Variants in MECOM observed in about 807,000 individuals in gnomAD.
The protein encoded by MECOM is histone-lysine N-methyltransferase MECOM.
In MECOM, 13 loss-of-function variants were observed where a neutral mutation model predicts 116.3. The observed-to-expected ratio is 0.11, with a 90% CI of 0.07 to 0.18. The LOEUF (loss-of-function observed/expected upper bound fraction) is 0.18. Among genes scored for constraint, MECOM ranks in the 10% least tolerant of loss-of-function variants. The pLI is 1.00. For missense variants in MECOM, 1,299 were observed against 1,509.0 expected, an observed-to-expected ratio of 0.86 and a Z score of 2.31; for synonymous variants, 528 against 535.2, an observed-to-expected ratio of 0.99 and a Z score of 0.19.
At chr3:169,442,061 G>A (rs950075304) in intron 1 of MECOM, among the ~76,000 whole-genome samples, 2 of 152,106 alleles carry the variant, frequency 1.3e-5, no homozygotes, top group African/African-American at 4.8e-5. Flanking sequence ...GAGTAGCTGG[G>A]ATTACAGGCA....
intron 2 of MECOM, among the ~76,000 whole-genome samples, chr3:169,333,242 G>A (rs566426158): frequency 3.3e-5 from 5 of 152,236 alleles, no homozygotes; most frequent in Admixed American, 3.3e-4. Flanking sequence ...ATGGGGAGGG[G>A]TGTGGAGGGA....
At chr3:169,330,438 T>C (rs975993276) in intron 2 of MECOM, among the ~76,000 whole-genome samples, 1 of 152,156 alleles carries the variant, frequency 6.6e-6, no homozygotes, top group East Asian at 1.9e-4. Context: ...TTTGAAAACA[T>C]AATGACATCT....
At chr3:169,271,674 G>T (rs1758957977) in intron 2 of MECOM, among the ~76,000 whole-genome samples, 1 of 151,974 alleles carries the variant, frequency 6.6e-6, no homozygotes, top group African/African-American at 2.4e-5. Context: ...GAGTTGATGG[G>T]TGCAGGAAAC....
At chr3:169,224,687 G>A (rs1321333723) in intron 2 of MECOM, among the ~76,000 whole-genome samples, 1 of 152,224 alleles carries the variant, frequency 6.6e-6, no homozygotes, top group African/African-American at 2.4e-5. Flanking sequence ...TGTTTGTAGT[G>A]TGACTTAATT....
intron 2 of MECOM, among the ~76,000 whole-genome samples, chr3:169,339,969 C>T (rs1197209191): frequency 2.0e-5 from 3 of 152,104 alleles, no homozygotes; most frequent in African/African-American, 7.2e-5. Flanking sequence ...AGAGGAAGAA[C>T]AAGTGGGCCA....
intron 2 of MECOM, among the ~76,000 whole-genome samples, chr3:169,274,323 T>C (rs900913198): frequency 1.3e-5 from 2 of 152,202 alleles, no homozygotes; most frequent in African/African-American, 4.8e-5. Flanking sequence ...TACGTGATAA[T>C]GTAAACTTGA....
intron 2 of MECOM, among the ~76,000 whole-genome samples, chr3:169,291,625 A>G (rs1714565069): frequency 1.3e-5 from 2 of 152,184 alleles, no homozygotes; most frequent in African/African-American, 4.8e-5. Flanking sequence ...AAACTAAAAG[A>G]CAAGTTAATT....
At chr3:169,482,262 G>A (rs995167164) in intron 1 of MECOM, among the ~76,000 whole-genome samples, 16 of 151,350 alleles carry the variant, frequency 1.1e-4, no homozygotes, top group African/African-American at 3.2e-4. Context: ...GCGTGTACTC[G>A]CCTGTGTCAT....
intron 9 of MECOM, among the ~76,000 whole-genome samples, chr3:169,111,924 A>AT (rs1235697927): frequency 6.6e-6 from 1 of 152,054 alleles, no homozygotes; most frequent in African/African-American, 2.4e-5. Context: ...GAGAACCATC[A>AT]TTTTTTGTTT....
chr3:169,454,516 T>A (rs370286399), intron 1 of MECOM, among the ~76,000 whole-genome samples: 5 of 152,264 alleles, frequency 3.3e-5, no homozygotes, highest in Admixed American at 6.5e-5. Flanking sequence ...GTTTGCTTTG[T>A]GTCTTTTATT....
intron 1 of MECOM, among the ~76,000 whole-genome samples, chr3:169,381,982 C>T (rs988897314): frequency 2.7e-4 from 41 of 152,218 alleles, no homozygotes; most frequent in Non-Finnish European, 4.3e-4. Flanking sequence ...ATTCCAAAGG[C>T]TGCCATGTGC....
chr3:169,483,664 A>G (rs1160422019), intron 1 of MECOM: 5 of 1,525,500 alleles, frequency 3.3e-6, no homozygotes, highest in Non-Finnish European at 4.4e-6. Flanking sequence ...TTCCAGATAA[A>G]TGAAATTTAA....
intron 1 of MECOM, among the ~76,000 whole-genome samples, chr3:169,497,688 A>G (rs929953728): frequency 1.3e-5 from 2 of 152,094 alleles, no homozygotes; most frequent in African/African-American, 4.8e-5. Context: ...CATCCTGCAT[A>G]CCTTTGCCAA....
chr3:169,533,591 T>TTTTTTTAC (rs55667588), intron 1 of MECOM, among the ~76,000 whole-genome samples: 5,525 of 132,118 alleles, frequency 0.042, 417 homozygotes, highest in African/African-American at 0.15. Context: ...TTTTTTTTTT[T>TTTTTTTAC]ATTTCCTTAT....
intron 1 of MECOM, among the ~76,000 whole-genome samples, chr3:169,534,537 C>T (rs752668213): frequency 6.6e-6 from 1 of 151,072 alleles, no homozygotes; most frequent in Non-Finnish European, 1.5e-5. Flanking sequence ...TCCCCCCATT[C>T]TTCCTTTTAT....
In MECOM at chr3:169,127,917, C is replaced by T. The variant is rs371291867; in HGVS notation, c.757G>A (p.Glu253Lys). The change falls in exon 5 of 17, where the codon GAG (glutamate) becomes AAG (lysine). Residue 253 changes from glutamate to lysine, a missense_variant. Coordinates refer to ENST00000651503, the MANE Select transcript of MECOM (RefSeq NM_004991.4). The stretch of plus-strand genomic sequence containing the variant: ...GTGTGTATCTCTTGGAGATCATTCT[C>T]GCTTTCGAGTTTTTGCTGAAAGTCC... ...EEDFQQKLES[E>K]NDLQEIHTIQ... 55 of 1,613,956 alleles carry T rather than the reference C, an allele frequency of 3.4e-5. No individual in the cohort carries two copies. The Middle Eastern group carries it at 4.9e-4, about 14-fold the overall frequency.
chr3:169,419,813 G>A (rs1396854065), intron 1 of MECOM, among the ~76,000 whole-genome samples: 2 of 152,132 alleles, frequency 1.3e-5, no homozygotes, highest in Non-Finnish European at 2.9e-5. Context: ...TCATCAGAGT[G>A]AACAAGCAAC....
intron 2 of MECOM, among the ~76,000 whole-genome samples, chr3:169,314,307 T>C (rs1366572069): frequency 6.6e-6 from 1 of 152,202 alleles, no homozygotes; most frequent in African/African-American, 2.4e-5. Context: ...TTAGCACTTC[T>C]TTATAGATGA....
At chr3:169,320,059 A>G (rs1720583794) in intron 2 of MECOM, among the ~76,000 whole-genome samples, 1 of 152,224 alleles carries the variant, frequency 6.6e-6, no homozygotes, top group Non-Finnish European at 1.5e-5. Context: ...TAGAGAAATA[A>G]TAGTAGATAA....
Sources: allele counts gnomAD v4.1 joint callset (sites outside exome capture counted in the v4.1 genomes callset), GRCh38; gene constraint gnomAD v4.1.1; transcripts MANE v1.5; gene names NCBI Gene and HGNC (gene_info 2026-07-23, HGNC 2026-07-21).